Variants in ARL15 observed in about 807,000 individuals in gnomAD.
ARL15 encodes ARF like GTPase 15.
ARL15 carries 19 observed loss-of-function variants against 25.2 expected under a neutral mutation model. The observed-to-expected ratio is 0.75, with a 90% CI of 0.53 to 1.10. The LOEUF is 1.10. Among genes scored for constraint, ARL15 ranks in the 50% least tolerant of loss-of-function variants. ARL15 has a pLI of 0.00. For missense variants in ARL15, 220 were observed against 246.0 expected (o/e 0.89, Z 0.71); for synonymous variants, 94 against 86.8 (o/e 1.08, Z -0.46).
intron 3 of ARL15, among the ~76,000 whole-genome samples, chr5:54,129,499 T>TA (rs1042397467): frequency 6.6e-6 from 1 of 151,936 alleles, no homozygotes; most frequent in Non-Finnish European, 1.5e-5. Flanking sequence ...ATCAAGAAAT[T>TA]AAAAAATTAA....
intron 4 of ARL15, among the ~76,000 whole-genome samples, chr5:54,099,942 T>G (rs969713603): frequency 6.6e-6 from 1 of 152,112 alleles, no homozygotes; most frequent in Non-Finnish European, 1.5e-5. Flanking sequence ...GTTTGTCATC[T>G]CCAAACCAAA....
intron 1 of ARL15, among the ~76,000 whole-genome samples, chr5:54,242,349 T>G (rs759000947): frequency 6.6e-6 from 1 of 152,150 alleles, no homozygotes; most frequent in Non-Finnish European, 1.5e-5. Flanking sequence ...TCTTCAACAG[T>G]GCCTTGATTG....
intron 4 of ARL15, among the ~76,000 whole-genome samples, chr5:54,008,239 G>A (rs1437649593): frequency 1.3e-5 from 2 of 152,138 alleles, no homozygotes; most frequent in Non-Finnish European, 2.9e-5. Context: ...CAGAAATAGT[G>A]AGAAAAGGTA....
At chr5:53,999,725 C>T (rs1447937542) in intron 4 of ARL15, among the ~76,000 whole-genome samples, 2 of 151,912 alleles carry the variant, frequency 1.3e-5, no homozygotes, top group Non-Finnish European at 2.9e-5. Flanking sequence ...CCAGCCCGAC[C>T]AACATGGAGA....
At chr5:54,112,403 C>T (rs1752768119) in intron 4 of ARL15, among the ~76,000 whole-genome samples, 1 of 152,132 alleles carries the variant, frequency 6.6e-6, no homozygotes, top group African/African-American at 2.4e-5. Flanking sequence ...TCATATTAAT[C>T]ATCTCATTCC....
chr5:54,147,242 G>T (rs1365688036), intron 3 of ARL15, among the ~76,000 whole-genome samples: 1 of 151,958 alleles, frequency 6.6e-6, no homozygotes, highest in African/African-American at 2.4e-5. Context: ...ATTATATCAA[G>T]AAGTTGCGGT....
At chr5:53,949,830 C>G (rs1746885031) in intron 4 of ARL15, among the ~76,000 whole-genome samples, 1 of 152,166 alleles carries the variant, frequency 6.6e-6, no homozygotes, top group Non-Finnish European at 1.5e-5. Flanking sequence ...CTATAAGTAA[C>G]TCTTTCCAAA....
intron 4 of ARL15, among the ~76,000 whole-genome samples, chr5:53,977,435 A>AT (rs1239069656): frequency 6.6e-6 from 1 of 151,812 alleles, no homozygotes; most frequent in Admixed American, 6.6e-5. Flanking sequence ...TTACATAGTA[A>AT]TTTTTCCCAC....
intron 1 of ARL15, among the ~76,000 whole-genome samples, chr5:54,221,464 C>T (rs1195240596): frequency 6.6e-6 from 1 of 152,140 alleles, no homozygotes; most frequent in Non-Finnish European, 1.5e-5. Context: ...ATTCCTTTGT[C>T]CTCTTACTTA....
At chr5:54,045,348 G>A (rs1750473172) in intron 4 of ARL15, among the ~76,000 whole-genome samples, 1 of 152,048 alleles carries the variant, frequency 6.6e-6, no homozygotes, top group African/African-American at 2.4e-5. Flanking sequence ...AGAACATTGG[G>A]GCTAAGAACT....
chr5:54,251,530 T>C (rs142830228), intron 1 of ARL15, among the ~76,000 whole-genome samples: 2 of 152,340 alleles, frequency 1.3e-5, no homozygotes, highest in African/African-American at 4.8e-5. Context: ...ATCTTATCTG[T>C]ACCCTTACTA....
chr5:53,886,503 T>A lies in ARL15; in HGVS notation c.*58A>T. The A allele has an allele frequency of 6.7e-7, 1 of 1,499,392 alleles. No homozygotes were observed. Among genetic ancestry groups the A allele is most frequent in the Non-Finnish European group, 8.9e-7 (1 of 1,125,736 alleles). The allele number at this position is 1,499,392 out of a possible 1,614,324, so 92.9% of individuals were successfully genotyped here. A position where few individuals can be genotyped will look rare whatever the true frequency, so the allele number is the denominator to read the frequency against. On this transcript the variant is annotated 3_prime_UTR_variant, in exon 5 of 5. Coordinates refer to ENST00000504924, the MANE Select transcript of ARL15 (RefSeq NM_019087.3). The stretch of plus-strand genomic sequence containing the variant: ...TCTTGATACCAAAATAAAATTAAAA[T>A]GAGAAACTAACATGATAGGTTCAAG...
At chr5:54,069,164 G>A (rs1354024899) in intron 4 of ARL15, among the ~76,000 whole-genome samples, 1 of 152,118 alleles carries the variant, frequency 6.6e-6, no homozygotes, top group Non-Finnish European at 1.5e-5. Context: ...ATGAAGTGAA[G>A]CCAAACAAAT....
At chr5:54,171,955 TC>T (rs761596296) in intron 1 of ARL15, 27 bp from the exon 2 acceptor site, 1 of 1,603,322 alleles carries the variant, frequency 6.2e-7, no homozygotes, top group Non-Finnish European at 8.5e-7. Flanking sequence ...AAAAAAATGT[TC>T]CTTTAAATGA....
At chr5:53,898,141 A>T (rs186709600) in intron 4 of ARL15, among the ~76,000 whole-genome samples, 1 of 152,340 alleles carries the variant, frequency 6.6e-6, no homozygotes, top group East Asian at 1.9e-4. Context: ...TGGTCTTGCT[A>T]TCTCACAGGT....
At chr5:54,029,105 G>A (rs1749880602) in intron 4 of ARL15, among the ~76,000 whole-genome samples, 1 of 151,882 alleles carries the variant, frequency 6.6e-6, no homozygotes, top group Admixed American at 6.6e-5. Flanking sequence ...GCAGGTTCTT[G>A]AGTCAGACTC....
intron 4 of ARL15, among the ~76,000 whole-genome samples, chr5:53,917,079 G>C (rs1209914091): frequency 6.6e-6 from 1 of 152,126 alleles, no homozygotes; most frequent in African/African-American, 2.4e-5. Flanking sequence ...AGGAAAATCT[G>C]TCCCCTTGGA....
At chr5:53,917,039 T>C (rs1196786692) in intron 4 of ARL15, among the ~76,000 whole-genome samples, 1 of 152,210 alleles carries the variant, frequency 6.6e-6, no homozygotes, top group Admixed American at 6.5e-5. Flanking sequence ...TTTCATTTTC[T>C]TTTCTTGCTG....
At chr5:53,908,320 T>C (rs1386979747) in intron 4 of ARL15, among the ~76,000 whole-genome samples, 2 of 151,904 alleles carry the variant, frequency 1.3e-5, no homozygotes, top group African/African-American at 2.4e-5. Flanking sequence ...CAACTGTGGA[T>C]TGAAAATACT....
Sources: gnomAD v4.1 joint callset for allele counts (sites outside exome capture counted in the v4.1 genomes callset) on GRCh38, gnomAD v4.1.1 for gene constraint, MANE v1.5 for transcripts, NCBI Gene and HGNC (gene_info 2026-07-23, HGNC 2026-07-21) for gene names.